KIRREL3: variants seen among roughly 807,000 people sequenced by gnomAD.
The protein encoded by KIRREL3 is kirre like nephrin family adhesion molecule 3, also known as kin of IRRE-like protein 3.
KIRREL3 carries 36 observed loss-of-function variants against 89.7 expected under a neutral mutation model. The ratio of observed to expected loss-of-function variants is 0.40; its 90% CI spans 0.31 to 0.53. The LOEUF is 0.53. KIRREL3 is among the 20% of genes least tolerant of loss of function. The probability of loss-of-function intolerance (pLI) is 0.49; values close to 1 mark genes in which losing one functional copy is unlikely to be tolerated. For missense variants in KIRREL3, 864 were observed against 1,056.6 expected (o/e 0.82, Z 2.53); for synonymous variants, 445 against 441.4 (o/e 1.01, Z -0.10).
chr11:126,921,838 A>G (rs111211485), intron 1 of KIRREL3, among the ~76,000 whole-genome samples: 258 of 144,644 alleles, frequency 1.8e-3, no homozygotes, highest in African/African-American at 5.5e-3. Context: ...CCTATCTATT[A>G]TCTATCTATC....
chr11:126,825,938 A>G (rs10750347), intron 1 of KIRREL3, among the ~76,000 whole-genome samples: 131,457 of 152,256 alleles, frequency 0.86, 57,101 homozygotes, highest in East Asian at 1. Context: ...GAATAATCAT[A>G]TCAAGGAGAA....
In KIRREL3 at chr11:126,656,508, T is replaced by C. The variant is rs1377350195; in HGVS notation, c.56-93596A>G. The stretch of plus-strand genomic sequence containing the variant: ...CACGTGGAATCTCAACATACAAAAT[T>C]GGCATAAGTGGGGGATAAGGCAGCA... On this transcript the variant is annotated intron_variant, in intron 1 of 16. Coordinates refer to ENST00000525144, the MANE Select transcript of KIRREL3 (RefSeq NM_032531.4). This position sits in a 1 kb window ranked among gnomAD's most constrained non-coding sequence, Gnocchi z 4.0. Among the ~76,000 whole-genome samples, 1 of 152,190 alleles carries C rather than the reference T, an allele frequency of 6.6e-6. No homozygotes were observed. Among genetic ancestry groups the C allele is most frequent in the African/African-American group, 2.4e-5 (1 of 41,454 alleles).
rs1445239918 is a variant in KIRREL3 at position 126,558,564 on chromosome 11, C to T, written c.133+4271G>A. 6.6e-6 allele frequency among the ~76,000 whole-genome samples: 1 copy of T among 152,182 alleles called. No individual in the cohort carries two copies. Among genetic ancestry groups the T allele is most frequent in the African/African-American group, 2.4e-5 (1 of 41,450 alleles). ...TGGGCCCCGGGCAAGTTGCTGCATGCTCTTGGGCCATGCTGTGTTATTGGG... is the reference window on the plus strand; with the variant it reads ...TGGGCCCCGGGCAAGTTGCTGCATGTTCTTGGGCCATGCTGTGTTATTGGG... On this transcript the variant is annotated intron_variant, in intron 2 of 16. Transcript: ENST00000525144. This position sits in a 1 kb window ranked among gnomAD's most constrained non-coding sequence, Gnocchi z 4.0.
In KIRREL3 at chr11:126,863,415, G is replaced by T. The variant is rs1261751805; in HGVS notation, c.55+137040C>A. 8.8e-3 allele frequency among the ~76,000 whole-genome samples: 345 copies of T among 39,398 alleles called. 4 individuals carry two copies. Among genetic ancestry groups the T allele is most frequent in the East Asian group, 0.061 (77 of 1,258 alleles). The allele number at this position is 39,398 out of a possible 152,430, so 25.8% of individuals were successfully genotyped here. ...CGTGTGTGAGTGCGTGAGTGCGTGTGTGAGCGCATGTGTGTGAGTGCGTGT... is the reference window on the plus strand; with the variant it reads ...CGTGTGTGAGTGCGTGAGTGCGTGTTTGAGCGCATGTGTGTGAGTGCGTGT... On this transcript the variant is annotated intron_variant, in intron 1 of 16. Coordinates refer to ENST00000525144, the MANE Select transcript of KIRREL3 (RefSeq NM_032531.4).
chr11:126,435,828 G>A (rs1416161742), intron 12 of KIRREL3, among the ~76,000 whole-genome samples: 2 of 152,154 alleles, frequency 1.3e-5, no homozygotes, highest in Non-Finnish European at 2.9e-5. Context: ...GACAGCCTGC[G>A]AATGGACCTT....
At chr11:126,835,868 C>G (rs902313317) in intron 1 of KIRREL3, among the ~76,000 whole-genome samples, 1 of 152,206 alleles carries the variant, frequency 6.6e-6, no homozygotes, top group Non-Finnish European at 1.5e-5. Flanking sequence ...CACCAGTGCA[C>G]TAGAGACTGA....
chr11:126,794,505 G>T (rs1046281483), intron 1 of KIRREL3, among the ~76,000 whole-genome samples: 10 of 152,152 alleles, frequency 6.6e-5, no homozygotes, highest in Admixed American at 6.5e-4. Flanking sequence ...TCCCTCACAG[G>T]GTGGTAACAC....
intron 5 of KIRREL3, among the ~76,000 whole-genome samples, chr11:126,473,020 A>T (rs911304505): frequency 2.2e-5 from 1 of 45,834 alleles, no homozygotes; most frequent in South Asian, 9.7e-4. Context: ...CCAGCCCCCC[A>T]CTATCCTCCC....
At chr11:126,968,756 G>A (rs1377593135) in intron 1 of KIRREL3, among the ~76,000 whole-genome samples, 1 of 152,106 alleles carries the variant, frequency 6.6e-6, no homozygotes, top group African/African-American at 2.4e-5. Context: ...CCAGGTGCAG[G>A]CTCTGTCTGG....
rs140799438 is a variant in KIRREL3 at position 126,999,612 on chromosome 11, A to G, written c.55+843T>C. On this transcript the variant is annotated intron_variant, in intron 1 of 16. Coordinates refer to ENST00000525144, the MANE Select transcript of KIRREL3 (RefSeq NM_032531.4). The surrounding 1 kb of genome is among the most constrained non-coding windows in gnomAD (Gnocchi z 5.7). ...CCATGTACTTGCCCCTCCAAACTCA[A>G]TTCCACAGGTGACTTTTGATGCCTT... 3.9e-4 allele frequency among the ~76,000 whole-genome samples: 59 copies of G among 152,318 alleles called. No homozygotes were observed. Among genetic ancestry groups the G allele is most frequent in the Middle Eastern group, 3.4e-3 (1 of 294 alleles).
In KIRREL3 at chr11:126,553,639, A is replaced by G. The variant is rs927730491; in HGVS notation, c.133+9196T>C. The stretch of plus-strand genomic sequence containing the variant: ...CGTGTCGATTCCCGTCACCTTCTGA[A>G]CCTTGAAGGGAGTTCTTCTGATGGG... On this transcript the variant is annotated intron_variant, in intron 2 of 16. Transcript: ENST00000525144. The surrounding 1 kb of genome is among the most constrained non-coding windows in gnomAD (Gnocchi z 4.7). 4.6e-5 allele frequency among the ~76,000 whole-genome samples: 7 copies of G among 152,160 alleles called. No individual in the cohort carries two copies. The highest frequency in any genetic ancestry group is 2.6e-4 in the Admixed American group (4 of 15,274).
rs985812150 is a variant in KIRREL3 at position 126,931,191 on chromosome 11, G to A, written c.55+69264C>T. Among the ~76,000 whole-genome samples the A allele has an allele frequency of 6.6e-6, 1 of 152,116 alleles. No homozygotes were observed. The highest frequency in any genetic ancestry group is 1.5e-5 in the Non-Finnish European group (1 of 68,028). ...TGGCTTCCCCAGTAAGCTCTTTGAG[G>A]GAAAGTCCTGTTTCTTGGACACTGT... On this transcript the variant is annotated intron_variant, in intron 1 of 16. Transcript: ENST00000525144. The surrounding 1 kb of genome is among the most constrained non-coding windows in gnomAD (Gnocchi z 5.1).
In KIRREL3 at chr11:126,761,749, A is replaced by G. The variant is rs997213557; in HGVS notation, c.56-198837T>C. On this transcript the variant is annotated intron_variant, in intron 1 of 16. Coordinates refer to ENST00000525144, the MANE Select transcript of KIRREL3 (RefSeq NM_032531.4). The surrounding 1 kb of genome is among the most constrained non-coding windows in gnomAD (Gnocchi z 4.4). ...CCACTCAGCCCCTGGGGGCTAGAGAAGAGTTATGAGCTGCACTAGTTTGTC... is the reference window on the plus strand; with the variant it reads ...CCACTCAGCCCCTGGGGGCTAGAGAGGAGTTATGAGCTGCACTAGTTTGTC... Among the ~76,000 whole-genome samples, 1 of 152,230 alleles carries G rather than the reference A, an allele frequency of 6.6e-6. No individual in the cohort carries two copies. The highest frequency in any genetic ancestry group is 1.5e-5 in the Non-Finnish European group (1 of 68,044).
chr11:126,662,715 A>G (rs1252417790), intron 1 of KIRREL3, among the ~76,000 whole-genome samples: 2 of 152,206 alleles, frequency 1.3e-5, no homozygotes, highest in Non-Finnish European at 2.9e-5. Context: ...AGGTTTCAAC[A>G]TGAATTTTGG....
intron 1 of KIRREL3, among the ~76,000 whole-genome samples, chr11:126,911,010 C>T (rs1187120313): frequency 5.3e-5 from 8 of 152,160 alleles, no homozygotes; most frequent in Admixed American, 5.2e-4. Flanking sequence ...TGCCCTGGGC[C>T]ACAGGGACTC....
In KIRREL3 at chr11:126,883,335, A is replaced by T. The variant is rs1547900; in HGVS notation, c.55+117120T>A. Among the ~76,000 whole-genome samples the T allele has an allele frequency of 0.62, 93,603 of 151,896 alleles. 30,365 individuals are homozygous for T. Among genetic ancestry groups the T allele is most frequent in the African/African-American group, 0.82 (34,037 of 41,460 alleles). On this transcript the variant is annotated intron_variant, in intron 1 of 16. Coordinates refer to ENST00000525144, the MANE Select transcript of KIRREL3 (RefSeq NM_032531.4). This position sits in a 1 kb window ranked among gnomAD's most constrained non-coding sequence, Gnocchi z 4.1. ...CTTCAAGCAGCACAGCAGTTAAAGAACTTTATAGCCTCTTCCCAACAAATG... is the reference window on the plus strand; with the variant it reads ...CTTCAAGCAGCACAGCAGTTAAAGATCTTTATAGCCTCTTCCCAACAAATG...
chr11:126,556,419 T>C (rs1220636022), intron 2 of KIRREL3, among the ~76,000 whole-genome samples: 1 of 152,064 alleles, frequency 6.6e-6, no homozygotes, highest in East Asian at 1.9e-4. Flanking sequence ...GGTGGGAGGA[T>C]TGCTTGAGGC....
At position 126,571,405 on chromosome 11, in the gene KIRREL3, T is replaced by C. The variant is rs1410205494; in HGVS notation, c.56-8493A>G. Among the ~76,000 whole-genome samples, 1 of 152,168 alleles carries C rather than the reference T, an allele frequency of 6.6e-6. No individual in the cohort carries two copies. The highest frequency in any genetic ancestry group is 6.5e-5 in the Admixed American group (1 of 15,282). On this transcript the variant is annotated intron_variant, in intron 1 of 16. Coordinates refer to ENST00000525144, the MANE Select transcript of KIRREL3 (RefSeq NM_032531.4). This position sits in a 1 kb window ranked among gnomAD's most constrained non-coding sequence, Gnocchi z 7.7. ...GAAAGTGGGACACTGGTTACTATCT[T>C]TGGGGGCTGGGTGCAGCCCAGCCTT...
rs17136262 is a variant in KIRREL3, at chr11:126,993,424, G to A, written c.55+7031C>T. 3.9e-3 allele frequency among the ~76,000 whole-genome samples: 600 copies of A among 152,266 alleles called. 3 individuals are homozygous for A. The highest frequency in any genetic ancestry group is 0.013 in the African/African-American group (525 of 41,544). On this transcript the variant is annotated intron_variant, in intron 1 of 16. Transcript: ENST00000525144. This position sits in a 1 kb window ranked among gnomAD's most constrained non-coding sequence, Gnocchi z 6.1. ...TAAGGTATGTAAGAGACTGGAAATC[G>A]CTTTTCATGCTTCGTTTAGAGAACT...
Sources: gnomAD v4.1 joint callset for allele counts (sites outside exome capture counted in the v4.1 genomes callset) on GRCh38, gnomAD v4.1.1 for gene constraint, Gnocchi (gnomAD v3.1) non-coding constraint, MANE v1.5 for transcripts, NCBI Gene and HGNC (gene_info 2026-07-23, HGNC 2026-07-21) for gene names.